The following ZNF197 variants were observed in gnomAD, a reference collection of about 807,000 sequenced individuals.
ZNF197 encodes zinc finger protein 197.
ZNF197 carries 14 observed loss-of-function variants against 27.4 expected under a neutral mutation model. That is an observed-to-expected ratio of 0.51 (90% CI 0.34 to 0.80). The LOEUF is 0.80. Among genes scored for constraint, ZNF197 ranks in the 30% least tolerant of loss-of-function variants. The pLI, the probability that ZNF197 is intolerant of heterozygous loss-of-function variation, is 0.02. For synonymous variants in ZNF197, 415 were observed against 420.0 expected, an observed-to-expected ratio of 0.99 and a Z score of 0.15; for missense variants, 1,090 against 1,222.6, an observed-to-expected ratio of 0.89 and a Z score of 1.62.
chr3:44,633,139 A>G (rs1305123692), intron 5 of ZNF197, among the ~76,000 whole-genome samples: 1 of 152,208 alleles, frequency 6.6e-6, no homozygotes, highest in Non-Finnish European at 1.5e-5. Context: ...AGTGGTGTAT[A>G]AGAACACTCC....
chr3:44,633,626 C>T lies in ZNF197; in HGVS notation c.769+1027C>T, dbSNP rs565599436. On this transcript the variant is annotated intron_variant, in intron 5 of 5. Transcript: ENST00000344387. ...TAACTTTGACTGAAATACAGATTTA[C>T]AGTATCAGTTTAAATGGCTGCAGAG... Among the ~76,000 whole-genome samples the T allele has an allele frequency of 4.1e-4, 62 of 152,328 alleles. 1 individual carries two copies. Among genetic ancestry groups the T allele is most frequent in the African/African-American group, 1.4e-3 (60 of 41,572 alleles).
Position 44,642,529 on chromosome 3 carries a change from T to C in ZNF197, c.1399T>C (p.Ser467Pro), listed in dbSNP as rs759341212. The change falls in exon 6 of 6, where the codon TCA becomes CCA. Residue 467 changes from serine (S) to proline (P), a missense_variant. By Grantham distance (74) the Ser-to-Pro change is moderately conservative. Coordinates refer to ENST00000344387, the MANE Select transcript of ZNF197 (RefSeq NM_006991.5). ...KECGKGFYRH[S>P]GLIIHLRRHS... ...GTGTGGAAAGGGCTTCTATAGGCAC[T>C]CAGGCCTAATTATACATCTAAGGCG... 3 of 1,614,022 alleles carry C rather than the reference T, an allele frequency of 1.9e-6. No homozygotes were observed. The highest frequency in any genetic ancestry group is 2.2e-5 in the South Asian group (2 of 91,064).
In ZNF197 at chr3:44,643,288, A is replaced by G. The variant is rs1433904047; in HGVS notation, c.2158A>G (p.Ser720Gly). 1.2e-6 allele frequency: 2 copies of G among 1,613,902 alleles called. No homozygotes were observed. Among genetic ancestry groups the G allele is most frequent in the Admixed American group, 1.7e-5 (1 of 59,978 alleles). The part of the protein sequence containing the change: ...ECGKTFIMSK[S>G]FMVHQKLHTQ... ...TGGGAAAACCTTTATTATGAGCAAA[A>G]GTTTTATGGTCCATCAGAAACTCCA... The change falls in exon 6 of 6, where the codon AGT becomes GGT. Residue 720 changes from serine (S) to glycine (G), a missense_variant. By Grantham distance (56) the Ser-to-Gly change is moderately conservative (BLOSUM62 0). Coordinates refer to ENST00000344387, the MANE Select transcript of ZNF197 (RefSeq NM_006991.5).
chr3:44,628,299 C>T (rs1036406117), intron 1 of ZNF197, among the ~76,000 whole-genome samples: 1 of 152,094 alleles, frequency 6.6e-6, no homozygotes, highest in Non-Finnish European at 1.5e-5. Context: ...TTCTAAAGAG[C>T]AGATGATTTC....
intron 1 of ZNF197, among the ~76,000 whole-genome samples, chr3:44,628,063 C>T (rs2125791976): frequency 6.6e-6 from 1 of 152,224 alleles, no homozygotes; most frequent in East Asian, 1.9e-4. Flanking sequence ...ATGTTTTTAT[C>T]CTTCAGCCCA....
Position 44,629,525 on chromosome 3 carries a change from T to C in ZNF197, c.371T>C (p.Leu124Pro), listed in dbSNP as rs1173146972. ...CTGGTAGAGGAGCTGCAGAAAGACC[T>C]TGATGGACCAGCAATACAAGTGAGA... ...VALVEELQKD[L>P]DGPAIQVPVL... Residue 124 changes from leucine (L) to proline (P), a missense_variant, in exon 2 of 6, where the codon CTT becomes CCT. Coordinates refer to ENST00000344387, the MANE Select transcript of ZNF197 (RefSeq NM_006991.5). 6 of 1,567,846 alleles carry C rather than the reference T, an allele frequency of 3.8e-6. No individual in the cohort carries two copies. Among genetic ancestry groups the C allele is most frequent in the East Asian group, 2.2e-5 (1 of 44,584 alleles).
rs1320235222 is a variant in ZNF197, at chr3:44,647,905, C to G, written c.*3685C>G. 6.6e-6 allele frequency: 1 copy of G among 152,044 alleles called. No individual in the cohort carries two copies. Among genetic ancestry groups the G allele is most frequent in the Non-Finnish European group, 1.5e-5 (1 of 68,020 alleles). The allele number at this position is 152,044 out of a possible 1,614,324, so 9.4% of individuals were successfully genotyped here. On this transcript the variant is annotated 3_prime_UTR_variant, in exon 6 of 6. Transcript: ENST00000344387. ...TATCTTGATTGCAGTGGTGGTTACACAAATCTATAGGTGCTATACCTATAC... is the reference window on the plus strand; with the variant it reads ...TATCTTGATTGCAGTGGTGGTTACAGAAATCTATAGGTGCTATACCTATAC...
intron 2 of ZNF197, 94 bp downstream of exon 2, chr3:44,629,638 A>AATTAATAGC: frequency 7.0e-7 from 1 of 1,422,116 alleles, no homozygotes; most frequent in African/African-American, 1.4e-5. Context: ...TTTCATTAAA[A>AATTAATAGC]ATTAATAGCA....
At chr3:44,632,009 T>A in intron 3 of ZNF197, 96 bp from the exon 4 acceptor site, 1 of 1,131,754 alleles carries the variant, frequency 8.8e-7, no homozygotes, top group Non-Finnish European at 1.3e-6. Context: ...CCTTGTATCA[T>A]TCTTACTGCT....
chr3:44,646,569 C>A lies in ZNF197; in HGVS notation c.*2349C>A. 1 of 1,024,676 alleles carries A rather than the reference C, an allele frequency of 9.8e-7. No homozygotes were observed. Among genetic ancestry groups the A allele is most frequent in the Non-Finnish European group, 1.6e-6 (1 of 643,440 alleles). 63.5% of individuals were successfully genotyped at this position (1,024,676 alleles called of 1,614,324 possible). A position where few individuals can be genotyped will look rare whatever the true frequency, so the allele number is the denominator to read the frequency against. On this transcript the variant is annotated 3_prime_UTR_variant, in exon 6 of 6. Transcript: ENST00000344387. ...GACACATCCAGAACGTGGAATATTG[C>A]ATAAGAAAGCTGCCCTGGATTCTTC...
chr3:44,644,224 C>T lies in ZNF197; in HGVS notation c.*4C>T, dbSNP rs1559477081. 1 of 1,575,474 alleles carries T rather than the reference C, an allele frequency of 6.3e-7. No individual in the cohort carries two copies. Among genetic ancestry groups the T allele is most frequent in the South Asian group, 1.2e-5 (1 of 83,952 alleles). ...GATTGAGATTCAGAAAATCTAGTGT[C>T]ATATGTAAAATGGAATAGAATCCCT... On this transcript the variant is annotated 3_prime_UTR_variant, in exon 6 of 6. Coordinates refer to ENST00000344387, the MANE Select transcript of ZNF197 (RefSeq NM_006991.5).
Position 44,645,486 on chromosome 3 carries a change from A to G in ZNF197, c.*1266A>G. On this transcript the variant is annotated 3_prime_UTR_variant, in exon 6 of 6. Coordinates refer to ENST00000344387, the MANE Select transcript of ZNF197 (RefSeq NM_006991.5). ...TTATATATCTAGTTTATGTATATGG[A>G]AAAAAATGTTATGGCCAGCCATTAA... 3.0e-6 allele frequency: 3 copies of G among 985,338 alleles called. No homozygotes were observed. Among genetic ancestry groups the G allele is most frequent in the Non-Finnish European group, 3.6e-6 (3 of 829,890 alleles). 61.0% of individuals were successfully genotyped at this position (985,338 alleles called of 1,614,324 possible).
Position 44,643,017 on chromosome 3 carries a change from AGCCTTTACTCAAAGT to A in ZNF197, c.1890_1904del (p.Phe631_Ala635del), listed in dbSNP as rs781682592. 3 of 1,614,134 alleles carry A rather than the reference AGCCTTTACTCAAAGT, an allele frequency of 1.9e-6. 1 individual carries two copies. Among genetic ancestry groups the A allele is most frequent in the Non-Finnish European group, 2.5e-6 (3 of 1,180,034 alleles). On this transcript the variant is annotated inframe_deletion, in exon 6 of 6. Coordinates refer to ENST00000344387, the MANE Select transcript of ZNF197 (RefSeq NM_006991.5). ...CTTACAAATGCACTGAATGTGGGAA[AGCCTTTACTCAAAGT>A]GCTTACCTTTTTGACCACCAGAGAC...
Position 44,644,006 on chromosome 3 carries a change from G to C in ZNF197, c.2876G>C (p.Gly959Ala), listed in dbSNP as rs1331175938. The change falls in exon 6 of 6, where the codon GGG becomes GCG. Residue 959 changes from glycine to alanine, a missense_variant. By Grantham distance (60) the Gly-to-Ala change is moderately conservative. Transcript: ENST00000344387. Reference protein sequence around the residue: ...QRIHTGEKPYGCNDCSKVFRQ... With the variant: ...QRIHTGEKPYACNDCSKVFRQ... ...ATTCACACAGGGGAGAAACCCTATGGGTGTAATGATTGTAGTAAAGTTTTT... is the reference window on the plus strand; with the variant it reads ...ATTCACACAGGGGAGAAACCCTATGCGTGTAATGATTGTAGTAAAGTTTTT... 1 of 1,613,900 alleles carries C rather than the reference G, an allele frequency of 6.2e-7. No homozygotes were observed. The highest frequency in any genetic ancestry group is 1.3e-5 in the African/African-American group (1 of 74,884).
chr3:44,632,275 A>C, intron 4 of ZNF197, 79 bp downstream of exon 4: 1 of 1,556,704 alleles, frequency 6.4e-7, no homozygotes, highest in East Asian at 2.2e-5. Flanking sequence ...CTTGTGCTTC[A>C]ATGTCCAGTC....
chr3:44,634,641 G>A (rs1392746394), intron 5 of ZNF197, among the ~76,000 whole-genome samples: 1 of 151,634 alleles, frequency 6.6e-6, no homozygotes, highest in Non-Finnish European at 1.5e-5. Context: ...GTAGAGACGG[G>A]GTTTCGCCAT....
Position 44,644,418 on chromosome 3 carries a change from C to T in ZNF197, c.*198C>T. 8.0e-7 allele frequency: 1 copy of T among 1,256,978 alleles called. No individual in the cohort carries two copies. Among genetic ancestry groups the T allele is most frequent in the Non-Finnish European group, 1.0e-6 (1 of 984,724 alleles). 77.9% of individuals were successfully genotyped at this position (1,256,978 alleles called of 1,614,324 possible). A position where few individuals can be genotyped will look rare whatever the true frequency, so the allele number is the denominator to read the frequency against. Reference sequence around the variant, plus strand: ...CTTTGAGAGGCCGAAGCGAGTGGATCACCTGAGGTCAGGATTTTGAGACCA... The same window carrying T: ...CTTTGAGAGGCCGAAGCGAGTGGATTACCTGAGGTCAGGATTTTGAGACCA... On this transcript the variant is annotated 3_prime_UTR_variant, in exon 6 of 6. Coordinates refer to ENST00000344387, the MANE Select transcript of ZNF197 (RefSeq NM_006991.5).
chr3:44,643,934 G>A lies in ZNF197; in HGVS notation c.2804G>A (p.Cys935Tyr), dbSNP rs376389290. ...GAAAAACCTTATGAGTGTGACAAGT[G>A]TAGGAAATCCTTTACTTCTAAGAGG... ...TGEKPYECDK[C>Y]RKSFTSKRNL... is the part of the protein sequence containing the mutation. The change falls in exon 6 of 6, where the codon TGT becomes TAT. Residue 935 changes from cysteine to tyrosine, a missense_variant. By Grantham distance (194) the Cys-to-Tyr change is radical. Coordinates refer to ENST00000344387, the MANE Select transcript of ZNF197 (RefSeq NM_006991.5). 14 of 1,614,056 alleles carry A rather than the reference G, an allele frequency of 8.7e-6. No homozygotes were observed. The African/African-American group carries it at 1.9e-4, about 22-fold the overall frequency.
In ZNF197 at chr3:44,645,828, C is replaced by G; in HGVS notation, c.*1608C>G. On this transcript the variant is annotated 3_prime_UTR_variant, in exon 6 of 6. Transcript: ENST00000344387. ...AGCCAGTGCAGAATCCACTTGTGGG[C>G]AGTCAGTGCCCATTACCCCCTGTGA... 2 of 985,438 alleles carry G rather than the reference C, an allele frequency of 2.0e-6. No individual in the cohort carries two copies. Among genetic ancestry groups the G allele is most frequent in the African/African-American group, 1.7e-5 (1 of 57,374 alleles). 61.0% of individuals were successfully genotyped at this position (985,438 alleles called of 1,614,324 possible).
Sources: allele counts gnomAD v4.1 joint callset (sites outside exome capture counted in the v4.1 genomes callset), GRCh38; gene constraint gnomAD v4.1.1; transcripts MANE v1.5; gene names NCBI Gene and HGNC (gene_info 2026-07-23, HGNC 2026-07-21).